XIST: variants seen among roughly 807,000 people sequenced by gnomAD.
XIST encodes the protein X inactive specific transcript (non-protein coding).
exon 1 of XIST, chrX:73,846,320 A>G (rs761070429): frequency 5.4e-6 from 3 of 558,155 alleles, no homozygotes; most frequent in East Asian, 6.5e-5. Context: ...TCACTTAACA[A>G]TTACGCACCT....
At chrX:73,847,502 G>A in exon 1 of XIST, 1 of 513,374 alleles carries the variant, frequency 1.9e-6, no homozygotes, top group South Asian at 2.5e-5. Context: ...TTACAGGTGT[G>A]AGCCACCACA....
chrX:73,832,333 A>G (rs1297639502), intron 3 of XIST, among the ~76,000 whole-genome samples: 1 of 111,182 alleles, frequency 9.0e-6, no homozygotes, highest in African/African-American at 3.3e-5. Context: ...AAACTGCGAA[A>G]AAAAAAAAAT....
rs747594237 is a variant in XIST, at chrX:73,822,852, CT to C, written n.17048del. 5.4e-6 allele frequency: 3 copies of C among 557,192 alleles called. No individual in the cohort carries two copies. The African/African-American group carries it at 6.7e-5, about 12-fold the overall frequency. The allele number at this position is 557,192 out of a possible 1,213,427, so 45.9% of individuals were successfully genotyped here. A position where few individuals can be genotyped will look rare whatever the true frequency, so the allele number is the denominator to read the frequency against. On this transcript the variant is annotated non_coding_transcript_exon_variant, in exon 6 of 6. Transcript: ENST00000429829. ...TCAAAGGTGATCTGTTTAGTTTTTC[CT>C]TAGTATCGAACATATCACAGCTACT... is the stretch of plus-strand genomic sequence containing the variant.
chrX:73,850,178 C>A, exon 1 of XIST: 1 of 555,450 alleles, frequency 1.8e-6, no homozygotes, highest in Non-Finnish European at 3.2e-6. Context: ...TGTTTCTGTG[C>A]TACAGACTCT....
chrX:73,840,083 C>A (rs1018378657), intron 1 of XIST, among the ~76,000 whole-genome samples: 2 of 111,377 alleles, frequency 1.8e-5, no homozygotes, highest in African/African-American at 6.5e-5. Flanking sequence ...ACAAAGACAA[C>A]GTGAAATTGG....
chrX:73,843,639 A>G lies in XIST; in HGVS notation n.9085T>C, dbSNP rs765120396. The G allele has an allele frequency of 1.4e-5, 8 of 558,750 alleles. No individual in the cohort carries two copies. In the Admixed American group the frequency reaches 1.8e-4, roughly 12 times the overall value. The allele number at this position is 558,750 out of a possible 1,213,427, so 46.0% of individuals were successfully genotyped here. On this transcript the variant is annotated non_coding_transcript_exon_variant, in exon 1 of 6. Coordinates refer to ENST00000429829, the Ensembl canonical transcript of XIST. ...GTCCAAAAGAAGGGGCACTTAGTGA[A>G]TATCATCCCCCTGCTCTAAAGCAAA...
At chrX:73,828,262 T>G (rs994569220) in intron 5 of XIST, 4 of 277,256 alleles carry the variant, frequency 1.4e-5, no homozygotes, top group African/African-American at 8.2e-5. Flanking sequence ...CAACTCTGCC[T>G]GCTACCTGAT....
exon 1 of XIST, chrX:73,846,639 T>C (rs944993887): frequency 3.8e-5 from 21 of 557,472 alleles, no homozygotes; most frequent in African/African-American, 2.9e-4. Flanking sequence ...AAGGGTCTTA[T>C]GGGGTGGGCA....
exon 6 of XIST, chrX:73,823,168 AG>A (rs1356014578): frequency 3.6e-6 from 2 of 551,459 alleles, no homozygotes; most frequent in Middle Eastern, 3.1e-4. Context: ...CAGAATGTTT[AG>A]TTAATGAATT....
exon 6 of XIST, chrX:73,820,752 C>T (rs1039333541): frequency 1.8e-6 from 1 of 555,311 alleles, no homozygotes; most frequent in Non-Finnish European, 3.2e-6. Flanking sequence ...TTCTGGTGGT[C>T]ACCCATGCTG....
chrX:73,844,870 C>T (rs374097159), exon 1 of XIST: 64 of 535,230 alleles, frequency 1.2e-4, no homozygotes, highest in Middle Eastern at 6.3e-4. Flanking sequence ...TGCACCTTGA[C>T]TGTCCAAATG....
At chrX:73,825,317 C>T (rs1654458270) in exon 6 of XIST, 1 of 558,890 alleles carries the variant, frequency 1.8e-6, no homozygotes, top group African/African-American at 2.2e-5. Context: ...CAAACAATTC[C>T]TTGTGTCTGC....
intron 2 of XIST, chrX:73,833,446 C>A: frequency 2.1e-6 from 1 of 484,823 alleles, no homozygotes; most frequent in South Asian, 3.2e-5. Context: ...ACAAAAACCC[C>A]AATGAAAAAA....
At chrX:73,841,833 CAT>C in exon 1 of XIST, 1 of 513,166 alleles carries the variant, frequency 1.9e-6, no homozygotes, top group Admixed American at 2.6e-5. Context: ...AGCACCTCTG[CAT>C]ATGTTCCCTC....
chrX:73,839,373 CAA>C (rs1380285112), intron 1 of XIST, among the ~76,000 whole-genome samples: 5 of 111,215 alleles, frequency 4.5e-5, no homozygotes, highest in Non-Finnish European at 9.5e-5. Context: ...AAAGAAATGC[CAA>C]AAAAGTTTCC....
chrX:73,826,403 T>A, exon 6 of XIST: 2 of 558,141 alleles, frequency 3.6e-6, no homozygotes, highest in Non-Finnish European at 3.2e-6. Context: ...GGTGTCTCTC[T>A]CAAGTGGAGA....
intron 1 of XIST, among the ~76,000 whole-genome samples, chrX:73,837,932 C>T (rs1164833478): frequency 9.0e-6 from 1 of 111,116 alleles, no homozygotes; most frequent in East Asian, 2.8e-4. Flanking sequence ...TTAAAATATA[C>T]AAGGCCCAAA....
chrX:73,844,598 T>C lies in XIST; in HGVS notation n.8126A>G, dbSNP rs374974902. 105 of 557,644 alleles carry C rather than the reference T, an allele frequency of 1.9e-4. 1 individual carries two copies. The highest frequency in any genetic ancestry group is 3.1e-4 in the Non-Finnish European group (95 of 309,092). 46.0% of individuals were successfully genotyped at this position (557,644 alleles called of 1,213,427 possible). On this transcript the variant is annotated non_coding_transcript_exon_variant, in exon 1 of 6. Transcript: ENST00000429829. ...TGATTGTCCAAATGTAAGGGTCTTA[T>C]GGAGTGAGCACTCCCTGCTGGGAGG... is the stretch of plus-strand genomic sequence containing the variant.
chrX:73,852,000 G>A (rs753185426), exon 1 of XIST: 1 of 554,211 alleles, frequency 1.8e-6, no homozygotes, highest in Admixed American at 2.2e-5. Flanking sequence ...AAAAAGCACC[G>A]ATGGGCGATG....
Sources: allele counts gnomAD v4.1 joint callset (sites outside exome capture counted in the v4.1 genomes callset), GRCh38; gene constraint gnomAD v4.1.1; transcripts MANE v1.5; gene names NCBI Gene and HGNC (gene_info 2026-07-23, HGNC 2026-07-21).